Variants in RXFP2 observed in about 807,000 individuals in gnomAD.
RXFP2 encodes relaxin receptor 2.
Under a neutral mutation model 88.6 loss-of-function variants are expected in RXFP2, and 68 were observed. That is an observed-to-expected ratio of 0.77 (90% CI 0.63 to 0.94). The LOEUF is 0.94. Ranked by LOEUF, RXFP2 falls within the 40% of genes least tolerant of loss-of-function variation. The probability of loss-of-function intolerance (pLI) is 0.00; values close to 1 mark genes in which losing one functional copy is unlikely to be tolerated. For missense variants in RXFP2, 791 were observed against 893.9 expected, an observed-to-expected ratio of 0.88 and a Z score of 1.47; for synonymous variants, 329 against 306.8, an observed-to-expected ratio of 1.07 and a Z score of -0.76.
intron 5 of RXFP2, among the ~76,000 whole-genome samples, chr13:31,771,009 G>A (rs1268474831): frequency 6.6e-6 from 1 of 151,612 alleles, no homozygotes; most frequent in Non-Finnish European, 1.5e-5. Context: ...GTTGAGAAGA[G>A]AGTGAACATG....
At position 31,750,272 on chromosome 13, in the gene RXFP2, T is replaced by A. The variant is rs115564628; in HGVS notation, c.95-7986T>A. On this transcript the variant is annotated intron_variant, in intron 1 of 17. Transcript: ENST00000298386. ...CACCGTCTCATCAGCATGAATTAGA[T>A]GAAAGACAATCTTTTCAAAGGAATA... is the stretch of plus-strand genomic sequence containing the variant. Among the ~76,000 whole-genome samples, 506 of 152,254 alleles carry A rather than the reference T, an allele frequency of 3.3e-3. 5 individuals are homozygous for A. Among genetic ancestry groups the A allele is most frequent in the African/African-American group, 0.011 (461 of 41,576 alleles).
At chr13:31,746,515 G>T (rs899232198) in intron 1 of RXFP2, among the ~76,000 whole-genome samples, 2 of 152,122 alleles carry the variant, frequency 1.3e-5, no homozygotes, top group African/African-American at 4.8e-5. Context: ...CTATAGAGCA[G>T]ACTTGATGTT....
chr13:31,769,733 C>G (rs1216900569), intron 5 of RXFP2, among the ~76,000 whole-genome samples: 6 of 152,188 alleles, frequency 3.9e-5, no homozygotes, highest in Non-Finnish European at 8.8e-5. Flanking sequence ...TGTGTTGCTG[C>G]TAAGTGATGT....
intron 1 of RXFP2, among the ~76,000 whole-genome samples, chr13:31,741,662 A>G (rs961971421): frequency 6.7e-4 from 102 of 152,166 alleles, no homozygotes; most frequent in African/African-American, 2.3e-3. Context: ...TGGAGTGCCT[A>G]AGGAATGAGT....
rs1458299521 is a variant in RXFP2, at chr13:31,758,511, T to C, written c.241+107T>C. 3 of 1,338,936 alleles carry C rather than the reference T, an allele frequency of 2.2e-6. No homozygotes were observed. In the African/African-American group the frequency reaches 4.3e-5, roughly 19 times the overall value. The allele number at this position is 1,338,936 out of a possible 1,614,324, so 82.9% of individuals were successfully genotyped here. Reference sequence around the variant, plus strand: ...ATAAACTAGGAAAGCTGATTTGGTGTTCTGTAGGGATTTCCTTTGAAACAC... The same window carrying C: ...ATAAACTAGGAAAGCTGATTTGGTGCTCTGTAGGGATTTCCTTTGAAACAC... On this transcript the variant is annotated intron_variant, in intron 2 of 17. Transcript: ENST00000298386.
rs1399270992 is a variant in RXFP2 at position 31,781,723 on chromosome 13, T to C, written c.838T>C (p.Cys280Arg). ...KYLTNSTFLS[C>R]DSLTVLFLPR... ...TCTCACAAATTCTACGTTTCTGTCGTGCGATTCGCTCACAGTGCTGTAAGT... is the reference window on the plus strand; with the variant it reads ...TCTCACAAATTCTACGTTTCTGTCGCGCGATTCGCTCACAGTGCTGTAAGT... The change falls in exon 10 of 18, where the codon TGC becomes CGC. Residue 280 changes from cysteine to arginine, a missense_variant. By Grantham distance (180) the Cys-to-Arg change is radical. Transcript: ENST00000298386. The C allele has an allele frequency of 6.2e-7, 1 of 1,611,764 alleles. No individual in the cohort carries two copies. Among genetic ancestry groups the C allele is most frequent in the African/African-American group, 1.3e-5 (1 of 74,786 alleles).
chr13:31,751,824 G>A (rs1241339731), intron 1 of RXFP2, among the ~76,000 whole-genome samples: 1 of 152,016 alleles, frequency 6.6e-6, no homozygotes, highest in Admixed American at 6.6e-5. Context: ...CCACCACACT[G>A]CCCATTCTCT....
At chr13:31,763,125 C>T (rs573431721) in intron 3 of RXFP2, among the ~76,000 whole-genome samples, 46 of 149,712 alleles carry the variant, frequency 3.1e-4, no homozygotes, top group Non-Finnish European at 5.6e-4. Flanking sequence ...ACTCTGTTGC[C>T]CAGGATGGAG....
chr13:31,750,894 G>C (rs962017683), intron 1 of RXFP2, among the ~76,000 whole-genome samples: 2 of 152,172 alleles, frequency 1.3e-5, no homozygotes, highest in African/African-American at 4.8e-5. Context: ...TTGTGAAGGG[G>C]AGGAGAGTAT....
chr13:31,774,579 TA>T, intron 5 of RXFP2, 40 bp from the exon 6 acceptor site: 1 of 996,672 alleles, frequency 1.0e-6, no homozygotes, highest in Non-Finnish European at 1.6e-6. Context: ...ATATAGTCCA[TA>T]AACCATAATC....
intron 5 of RXFP2, among the ~76,000 whole-genome samples, chr13:31,770,595 A>G (rs972549589): frequency 1.3e-5 from 2 of 152,156 alleles, no homozygotes; most frequent in East Asian, 3.8e-4. Context: ...ATATTATCTC[A>G]CAACATTATA....
At chr13:31,776,061 CTTCT>C (rs10648579) in intron 7 of RXFP2, among the ~76,000 whole-genome samples, 10 of 103,888 alleles carry the variant, frequency 9.6e-5, no homozygotes, top group East Asian at 4.6e-4. Context: ...TTTCTTTCTT[CTTCT>C]TTCTTTCTTT....
Position 31,786,437 on chromosome 13 carries a change from G to C in RXFP2, c.984G>C (p.Leu328Phe), listed in dbSNP as rs566319032. The stretch of plus-strand genomic sequence containing the variant: ...TATCACCTCACCTTTTTAAAGACTT[G>C]AAGCTTCTACAAAAGCTGTAAGTTC... ...TELSPHLFKD[L>F]KLLQKLNLSS... Residue 328 changes from leucine to phenylalanine, a missense_variant, in exon 12 of 18, where the codon TTG becomes TTC. Transcript: ENST00000298386. 6.2e-7 allele frequency: 1 copy of C among 1,607,078 alleles called. No individual in the cohort carries two copies. Among genetic ancestry groups the C allele is most frequent in the South Asian group, 1.1e-5 (1 of 90,944 alleles).
At chr13:31,797,877 C>T (rs56166500) in intron 17 of RXFP2, among the ~76,000 whole-genome samples, 11,625 of 152,176 alleles carry the variant, frequency 0.076, 455 homozygotes, top group Middle Eastern at 0.13. Flanking sequence ...CTGCGGAGCA[C>T]GAGATATTTC....
chr13:31,792,095 A>G (rs1415052782), intron 15 of RXFP2, 60 bp downstream of exon 15: 1 of 1,179,414 alleles, frequency 8.5e-7, no homozygotes, highest in African/African-American at 1.5e-5. Context: ...TGCACTAGAC[A>G]TATATATGTA....
intron 16 of RXFP2, among the ~76,000 whole-genome samples, chr13:31,796,170 C>T (rs1345371888): frequency 6.8e-6 from 1 of 147,438 alleles, no homozygotes; most frequent in Non-Finnish European, 1.5e-5. Flanking sequence ...CTGCCTCAGC[C>T]TCCCGAGTAG....
At chr13:31,749,646 C>T (rs767675787) in intron 1 of RXFP2, among the ~76,000 whole-genome samples, 2 of 152,188 alleles carry the variant, frequency 1.3e-5, no homozygotes, top group Non-Finnish European at 2.9e-5. Context: ...TTCCTAAATA[C>T]ATGACCCTGT....
chr13:31,764,976 G>A (rs976483210), intron 3 of RXFP2, 61 bp from the exon 4 acceptor site: 3 of 920,316 alleles, frequency 3.3e-6, no homozygotes, highest in Non-Finnish European at 5.4e-6. Context: ...AGTTATTAAA[G>A]GCAAAGTCAT....
At chr13:31,757,754 T>C (rs1238660831) in intron 1 of RXFP2, among the ~76,000 whole-genome samples, 1 of 152,156 alleles carries the variant, frequency 6.6e-6, no homozygotes, top group African/African-American at 2.4e-5. Flanking sequence ...GAACCTGGAT[T>C]CTGTTCTTGA....
Sources: allele counts gnomAD v4.1 joint callset (sites outside exome capture counted in the v4.1 genomes callset), GRCh38; gene constraint gnomAD v4.1.1; transcripts MANE v1.5; gene names NCBI Gene and HGNC (gene_info 2026-07-23, HGNC 2026-07-21).